GPBP1: variants seen among roughly 807,000 people sequenced by gnomAD.
The protein encoded by GPBP1 is GC-rich promoter binding protein 1.
A neutral mutation model predicts 56.5 loss-of-function variants in GPBP1; 13 were observed. The observed-to-expected ratio is 0.23, with a 90% confidence interval of 0.15 to 0.37. The LOEUF is 0.37. GPBP1 is among the 10% of genes least tolerant of loss of function. The pLI is 1.00. For synonymous variants in GPBP1, 204 were observed against 188.9 expected, an observed-to-expected ratio of 1.08 and a Z score of -0.66; for missense variants, 477 against 572.3, an observed-to-expected ratio of 0.83 and a Z score of 1.70.
In GPBP1 at chr5:57,229,230, CAAAAAA is replaced by C. The variant is rs543005934; in HGVS notation, c.64-1584_64-1579del. On this transcript the variant is annotated intron_variant, in intron 3 of 11. Transcript: ENST00000506184. ...TGGGCGACAGAACAAGACTCCATCT[CAAAAAA>C]AAAAAAAAAAAAAAAAAAAAAAAAA... 3.1e-4 allele frequency among the ~76,000 whole-genome samples: 24 copies of C among 77,414 alleles called. 1 individual carries two copies. Among genetic ancestry groups the C allele is most frequent in the African/African-American group, 1.0e-3 (20 of 19,836 alleles). The allele number at this position is 77,414 out of a possible 152,430, so 50.8% of individuals were successfully genotyped here.
intron 5 of GPBP1, among the ~76,000 whole-genome samples, chr5:57,233,622 G>A (rs1756551200): frequency 6.6e-6 from 1 of 152,122 alleles, no homozygotes; most frequent in Non-Finnish European, 1.5e-5. Flanking sequence ...AGTCTTAAGA[G>A]GAAATATATT....
At chr5:57,203,810 C>A (rs1371367037) in intron 2 of GPBP1, among the ~76,000 whole-genome samples, 1 of 152,164 alleles carries the variant, frequency 6.6e-6, no homozygotes, top group Non-Finnish European at 1.5e-5. Context: ...AATGCAGTTT[C>A]ATGTTTCAGA....
chr5:57,249,464 T>C lies in GPBP1; in HGVS notation c.860T>C (p.Leu287Pro). 1.2e-6 allele frequency: 2 copies of C among 1,611,938 alleles called. No individual in the cohort carries two copies. The highest frequency in any genetic ancestry group is 1.7e-6 in the Non-Finnish European group (2 of 1,179,120). Residue 287 changes from leucine (L) to proline (P), a missense_variant, in exon 9 of 12, where the codon CTA becomes CCA. By Grantham distance (98) the Leu-to-Pro change is moderately conservative. Around this residue, in one of 2 missense-constraint regions of GPBP1, gnomAD observed 414 missense variants for 458.2 expected, o/e 0.90. Coordinates refer to ENST00000506184, the MANE Select transcript of GPBP1 (RefSeq NM_022913.4). ...PVDKLNQQPR[L>P]TKLTRMRTDK... ...GACAAACTTAATCAGCAGCCTCGTC[T>C]AACCAAACTGACACGAATGCGCACT...
chr5:57,225,449 G>A (rs559230416), intron 3 of GPBP1, among the ~76,000 whole-genome samples: 3 of 143,432 alleles, frequency 2.1e-5, no homozygotes, highest in East Asian at 2.1e-4. Flanking sequence ...AGCCAAGATC[G>A]TGCCACTGCA....
At chr5:57,243,289 A>T (rs1808367) in intron 6 of GPBP1, among the ~76,000 whole-genome samples, 41,949 of 151,356 alleles carry the variant, frequency 0.28, 6,391 homozygotes, top group East Asian at 0.71. Flanking sequence ...CTGGTCTTGA[A>T]CTCCTGACCT....
intron 10 of GPBP1, among the ~76,000 whole-genome samples, chr5:57,254,643 C>T (rs1038106565): frequency 2.7e-5 from 4 of 148,946 alleles, no homozygotes; most frequent in South Asian, 2.1e-4. Context: ...TGCAGTGAGC[C>T]GAGATCGTGC....
intron 10 of GPBP1, among the ~76,000 whole-genome samples, chr5:57,259,749 G>GT (rs1322099594): frequency 6.6e-6 from 1 of 151,760 alleles, no homozygotes; most frequent in African/African-American, 2.4e-5. Context: ...GAGTATTGTG[G>GT]TTAAGGACTC....
At chr5:57,225,363 G>A (rs375994910) in intron 3 of GPBP1, among the ~76,000 whole-genome samples, 8 of 151,634 alleles carry the variant, frequency 5.3e-5, no homozygotes, top group Admixed American at 3.3e-4. Flanking sequence ...GCGTGGTGGC[G>A]GGCGCCTGTA....
At chr5:57,255,449 A>G (rs1020426541) in intron 10 of GPBP1, among the ~76,000 whole-genome samples, 1 of 152,254 alleles carries the variant, frequency 6.6e-6, no homozygotes, top group Non-Finnish European at 1.5e-5. Flanking sequence ...ACTCTCACCA[A>G]TGATCATTGA....
chr5:57,251,086 T>G lies in GPBP1; in HGVS notation c.1105T>G (p.Ser369Ala), dbSNP rs1191859081. Residue 369 changes from serine (S) to alanine (A), a missense_variant, in exon 10 of 12, where the codon TCT becomes GCT. Coordinates refer to ENST00000506184, the MANE Select transcript of GPBP1 (RefSeq NM_022913.4). The part of the protein sequence containing the change: ...ASVISQQIIR[S>A]STFPQTDVLS... ...AGTGATTTCCCAGCAGATCATTCGG[T>G]CTTCAACCTTCCCACAAACTGATGT... 1 of 1,612,950 alleles carries G rather than the reference T, an allele frequency of 6.2e-7. No individual in the cohort carries two copies. Among genetic ancestry groups the G allele is most frequent in the Non-Finnish European group, 8.5e-7 (1 of 1,179,698 alleles).
At chr5:57,201,154 T>C (rs1424301545) in intron 2 of GPBP1, among the ~76,000 whole-genome samples, 1 of 152,176 alleles carries the variant, frequency 6.6e-6, no homozygotes, top group Non-Finnish European at 1.5e-5. Flanking sequence ...AGTTAAATTC[T>C]GTATCGTATG....
chr5:57,231,538 G>T (rs1202932671), intron 5 of GPBP1, among the ~76,000 whole-genome samples: 3 of 152,150 alleles, frequency 2.0e-5, no homozygotes, highest in African/African-American at 7.2e-5. Flanking sequence ...CTCCCAAAGT[G>T]CTGGGATTAC....
intron 6 of GPBP1, among the ~76,000 whole-genome samples, chr5:57,238,325 G>A (rs539247245): frequency 1.4e-4 from 22 of 152,248 alleles, no homozygotes; most frequent in Non-Finnish European, 2.6e-4. Flanking sequence ...CCAGCACTTT[G>A]GGAGGCCAGG....
intron 2 of GPBP1, among the ~76,000 whole-genome samples, chr5:57,185,954 TAAAAA>T (rs113616606): frequency 6.9e-6 from 1 of 145,874 alleles, no homozygotes; most frequent in Non-Finnish European, 1.5e-5. Context: ...AACCTTGTCT[TAAAAA>T]AAAAAAGGCA....
chr5:57,249,298 AATTTT>A (rs1741249760), intron 8 of GPBP1, 106 bp from the exon 9 acceptor site: 21 of 784,746 alleles, frequency 2.7e-5, no homozygotes, highest in Non-Finnish European at 4.0e-5. Flanking sequence ...CATTATAATC[AATTTT>A]ATTTTGTGAG....
intron 3 of GPBP1, chr5:57,221,333 T>C (rs1157628361): frequency 9.0e-6 from 13 of 1,451,930 alleles, no homozygotes; most frequent in Non-Finnish European, 1.2e-5. Flanking sequence ...TTAAATTCCA[T>C]TAAATAATGC....
At chr5:57,231,059 T>G (rs772775870) in intron 4 of GPBP1, 39 bp from the exon 5 acceptor site, 10 of 1,587,992 alleles carry the variant, frequency 6.3e-6, no homozygotes, top group Non-Finnish European at 8.6e-6. Context: ...TAAGCTTCTC[T>G]TCTTTGAATT....
intron 5 of GPBP1, among the ~76,000 whole-genome samples, chr5:57,231,656 T>C (rs1756466730): frequency 6.6e-6 from 1 of 152,228 alleles, no homozygotes; most frequent in South Asian, 2.1e-4. Flanking sequence ...TACAGTCATA[T>C]TTATCTAGTT....
intron 6 of GPBP1, among the ~76,000 whole-genome samples, chr5:57,239,191 C>G (rs898958084): frequency 2.6e-5 from 4 of 152,118 alleles, no homozygotes; most frequent in African/African-American, 4.8e-5. Context: ...AAAAGTAGTA[C>G]AACGTGTTCA....
Sources: allele counts gnomAD v4.1 joint callset (sites outside exome capture counted in the v4.1 genomes callset), GRCh38; gene constraint gnomAD v4.1.1; regional missense constraint gnomAD v4.1.1; transcripts MANE v1.5; gene names NCBI Gene and HGNC (gene_info 2026-07-23, HGNC 2026-07-21).